The following FRK variants were observed in gnomAD, a reference collection of about 807,000 sequenced individuals.
FRK encodes tyrosine-protein kinase FRK.
FRK carries 51 observed loss-of-function variants against 56.4 expected under a neutral mutation model. The observed-to-expected ratio is 0.90, with a 90% CI of 0.72 to 1.14. The LOEUF (loss-of-function observed/expected upper bound fraction) is 1.14, where lower values mean the gene tolerates loss of function less well. Among genes scored for constraint, FRK ranks in the 50% most tolerant of loss-of-function variants. FRK has a pLI of 0.00. For synonymous variants in FRK, 245 were observed against 217.9 expected, an observed-to-expected ratio of 1.12 and a Z score of -1.10; for missense variants, 570 against 601.4, an observed-to-expected ratio of 0.95 and a Z score of 0.55.
intron 5 of FRK, among the ~76,000 whole-genome samples, chr6:115,955,285 G>C (rs1179102489): frequency 1.3e-5 from 2 of 151,970 alleles, no homozygotes; most frequent in African/African-American, 2.4e-5. Context: ...ATGTTTCCAG[G>C]AAAAGAAAGC....
At chr6:116,012,922 T>C (rs1487133759) in intron 1 of FRK, among the ~76,000 whole-genome samples, 1 of 152,150 alleles carries the variant, frequency 6.6e-6, no homozygotes, top group Non-Finnish European at 1.5e-5. Context: ...AAAAATGAAA[T>C]TGATTTTTCT....
At chr6:116,006,519 A>G (rs996859884) in intron 1 of FRK, among the ~76,000 whole-genome samples, 3 of 152,238 alleles carry the variant, frequency 2.0e-5, no homozygotes, top group Non-Finnish European at 2.9e-5. Flanking sequence ...CTTCTAGACT[A>G]CATGCTGTAT....
rs531892487 is a variant in FRK, at chr6:116,050,048, G to T, written c.344+9920C>A. On this transcript the variant is annotated intron_variant, in intron 1 of 7. Coordinates refer to ENST00000606080, the MANE Select transcript of FRK (RefSeq NM_002031.3). Reference sequence around the variant, plus strand: ...GCACACTACATGGCAGACAGTTTTTGACACGCTTATGGCATTTATCAGCAT... The same window carrying T: ...GCACACTACATGGCAGACAGTTTTTTACACGCTTATGGCATTTATCAGCAT... 2.0e-5 allele frequency among the ~76,000 whole-genome samples: 3 copies of T among 152,198 alleles called. No individual in the cohort carries two copies. The South Asian group carries it at 6.2e-4, about 32-fold the overall frequency.
At chr6:116,036,304 T>C (rs1776477802) in intron 1 of FRK, among the ~76,000 whole-genome samples, 1 of 152,154 alleles carries the variant, frequency 6.6e-6, no homozygotes, top group Non-Finnish European at 1.5e-5. Context: ...GCTTCAGGAA[T>C]GCAGTGAGCC....
At chr6:115,953,046 C>G (rs1049011757) in intron 5 of FRK, among the ~76,000 whole-genome samples, 7 of 150,644 alleles carry the variant, frequency 4.6e-5, no homozygotes, top group African/African-American at 1.5e-4. Flanking sequence ...ACATTGTGCA[C>G]ATGTACCCTA....
At chr6:115,986,656 C>A (rs986948151) in intron 2 of FRK, among the ~76,000 whole-genome samples, 1 of 152,102 alleles carries the variant, frequency 6.6e-6, no homozygotes, top group Non-Finnish European at 1.5e-5. Flanking sequence ...TTCTAAGATT[C>A]TAGCAAGAAG....
At chr6:115,990,948 C>T (rs1366195766) in intron 2 of FRK, among the ~76,000 whole-genome samples, 1 of 151,722 alleles carries the variant, frequency 6.6e-6, no homozygotes, top group Non-Finnish European at 1.5e-5. Flanking sequence ...CAGTTTCTTT[C>T]ATCAGTGTTT....
chr6:116,084,154 G>A, the FRK span, among the ~76,000 whole-genome samples: 2 of 152,260 alleles, frequency 1.3e-5, no homozygotes, highest in African/African-American at 4.8e-5. Flanking sequence ...ACTACTCATC[G>A]AATGGTTATA....
At chr6:116,023,655 G>A (rs369558807) in intron 1 of FRK, among the ~76,000 whole-genome samples, 1 of 152,128 alleles carries the variant, frequency 6.6e-6, no homozygotes, top group African/African-American at 2.4e-5. Context: ...ATTTCCTGAG[G>A]TAATAGAAAT....
At chr6:116,024,216 T>C (rs1456074567) in intron 1 of FRK, among the ~76,000 whole-genome samples, 1 of 152,086 alleles carries the variant, frequency 6.6e-6, no homozygotes, top group African/African-American at 2.4e-5. Context: ...ATAAGATACT[T>C]ATGTTTTTAT....
At chr6:116,048,029 G>C (rs1335933553) in intron 1 of FRK, among the ~76,000 whole-genome samples, 3 of 152,194 alleles carry the variant, frequency 2.0e-5, no homozygotes, top group African/African-American at 4.8e-5. Flanking sequence ...TAAATCTAAA[G>C]ACTTGATCTT....
chr6:115,989,783 T>C (rs1774524343), intron 2 of FRK, among the ~76,000 whole-genome samples: 1 of 151,912 alleles, frequency 6.6e-6, no homozygotes, highest in South Asian at 2.1e-4. Context: ...AACCATTTCT[T>C]TCACTTTGTG....
At chr6:115,992,657 C>G (rs890943127) in intron 2 of FRK, among the ~76,000 whole-genome samples, 1 of 151,702 alleles carries the variant, frequency 6.6e-6, no homozygotes, top group African/African-American at 2.4e-5. Flanking sequence ...GTCTTGAGTA[C>G]CTTGCTCAAA....
At chr6:115,988,377 C>T (rs571915857) in intron 2 of FRK, among the ~76,000 whole-genome samples, 168 of 152,052 alleles carry the variant, frequency 1.1e-3, no homozygotes, top group African/African-American at 3.9e-3. Context: ...AAAAATTAAG[C>T]TTTGGTCAAT....
At chr6:116,087,678 G>T in the FRK span, among the ~76,000 whole-genome samples, 1 of 152,266 alleles carries the variant, frequency 6.6e-6, no homozygotes, top group Non-Finnish European at 1.5e-5. Flanking sequence ...CTGGCCAACA[G>T]ATGGAGACAC....
At chr6:116,097,599 TA>T in the FRK span, among the ~76,000 whole-genome samples, 2 of 152,188 alleles carry the variant, frequency 1.3e-5, no homozygotes, top group African/African-American at 2.4e-5. Flanking sequence ...CACCTAAGGT[TA>T]AAATTGCTAA....
intron 2 of FRK, among the ~76,000 whole-genome samples, chr6:115,994,662 G>C (rs1774767201): frequency 6.6e-6 from 1 of 151,998 alleles, no homozygotes; most frequent in Non-Finnish European, 1.5e-5. Flanking sequence ...TTTATATATT[G>C]AAGGCTTAAA....
Position 115,933,333 on chromosome 6 carries a change from C to T in FRK, c.*9081G>A, listed in dbSNP as rs988808331. ...GAGGTAAATTTAAGAAGAGCTGGCTCATTGTAGGAAAATTCAACTTATCTT... is the reference window on the plus strand; with the variant it reads ...GAGGTAAATTTAAGAAGAGCTGGCTTATTGTAGGAAAATTCAACTTATCTT... On this transcript the variant is annotated 3_prime_UTR_variant, in exon 8 of 8. Coordinates refer to ENST00000606080, the MANE Select transcript of FRK (RefSeq NM_002031.3). The T allele has an allele frequency of 3.9e-5, 6 of 152,164 alleles. No individual in the cohort carries two copies. The highest frequency in any genetic ancestry group is 1.4e-4 in the African/African-American group (6 of 41,444). The allele number at this position is 152,164 out of a possible 1,614,324, so 9.4% of individuals were successfully genotyped here. A position where few individuals can be genotyped will look rare whatever the true frequency, so the allele number is the denominator to read the frequency against.
At chr6:115,990,389 A>C (rs4946131) in intron 2 of FRK, among the ~76,000 whole-genome samples, 151,321 of 152,050 alleles carry the variant, frequency 1, 75,302 homozygotes, top group Middle Eastern at 1. Flanking sequence ...AGGTTTTCCT[A>C]TAGGACTTTT....
Sources: gnomAD v4.1 joint callset for allele counts (sites outside exome capture counted in the v4.1 genomes callset) on GRCh38, gnomAD v4.1.1 for gene constraint, MANE v1.5 for transcripts, NCBI Gene and HGNC (gene_info 2026-07-23, HGNC 2026-07-21) for gene names.